The following WIPI2 variants were observed in gnomAD, a reference collection of about 807,000 sequenced individuals.
WIPI2 encodes WD repeat domain, phosphoinositide interacting 2.
WIPI2 carries 28 observed loss-of-function variants against 52.3 expected under a neutral mutation model. That is an observed-to-expected ratio of 0.54 (90% CI 0.40 to 0.73). The LOEUF (loss-of-function observed/expected upper bound fraction) is 0.73. Among genes scored for constraint, WIPI2 ranks in the 30% least tolerant of loss-of-function variants. The pLI, the probability that WIPI2 is intolerant of heterozygous loss-of-function variation, is 0.00. For missense variants in WIPI2, 506 were observed against 602.9 expected (o/e 0.84, Z 1.68); for synonymous variants, 268 against 245.0 (o/e 1.09, Z -0.88).
chr7:5,229,260 C>A, intron 11 of WIPI2: 1 of 187,092 alleles, frequency 5.3e-6, no homozygotes, highest in South Asian at 9.9e-5. Flanking sequence ...CGTGATCCGC[C>A]CGCCTCAGCC....
intron 3 of WIPI2, among the ~76,000 whole-genome samples, chr7:5,202,394 T>C (rs1419029037): frequency 3.3e-5 from 5 of 152,008 alleles, no homozygotes; most frequent in Admixed American, 2.6e-4. Flanking sequence ...CATATATGTA[T>C]ATATATGGGG....
intron 5 of WIPI2, 85 bp downstream of exon 5, chr7:5,216,744 T>C: frequency 1.5e-6 from 2 of 1,340,626 alleles, no homozygotes; most frequent in Non-Finnish European, 1.0e-6. Context: ...TTTTTCTTTT[T>C]ATAGGTTCCG....
intron 2 of WIPI2, among the ~76,000 whole-genome samples, chr7:5,197,118 C>CAAAAAAAAAA (rs869261081): frequency 4.8e-5 from 2 of 41,436 alleles, no homozygotes; most frequent in African/African-American, 7.6e-5. Flanking sequence ...TCTCAAAAAA[C>CAAAAAAAAAA]AAAAAAAAAA....
At chr7:5,209,031 T>C (rs2115253356) in intron 3 of WIPI2, among the ~76,000 whole-genome samples, 1 of 151,134 alleles carries the variant, frequency 6.6e-6, no homozygotes, top group East Asian at 1.9e-4. Context: ...TTTTTTTTTT[T>C]TTTGGTATGG....
Position 5,214,516 on chromosome 7 carries a change from CT to C in WIPI2, c.212-17del. The C allele has an allele frequency of 6.2e-7, 1 of 1,614,250 alleles. No homozygotes were observed. Among genetic ancestry groups the C allele is most frequent in the Non-Finnish European group, 8.5e-7 (1 of 1,180,056 alleles). On this transcript the variant is annotated intron_variant, in intron 3 of 12. Transcript: ENST00000288828. ...CCATGTGGAGATGTTCACGCATGTA[CT>C]TCCCTTTGTGATTTCAGCCGATACG...
At chr7:5,202,937 G>T (rs1238747380) in intron 3 of WIPI2, among the ~76,000 whole-genome samples, 1 of 152,140 alleles carries the variant, frequency 6.6e-6, no homozygotes, top group African/African-American at 2.4e-5. Flanking sequence ...TTCAAAAGCT[G>T]CACTGTGTGT....
intron 7 of WIPI2, among the ~76,000 whole-genome samples, chr7:5,221,902 G>A (rs567066465): frequency 1.3e-5 from 2 of 151,964 alleles, no homozygotes; most frequent in Middle Eastern, 6.8e-3. Context: ...CCGAAGCCTC[G>A]TCAGACCACA....
chr7:5,223,741 C>T (rs1204646366), intron 8 of WIPI2, among the ~76,000 whole-genome samples: 1 of 152,172 alleles, frequency 6.6e-6, no homozygotes, highest in Non-Finnish European at 1.5e-5. Flanking sequence ...GCCACCAGGC[C>T]AGTTTGCCCC....
At chr7:5,201,190 C>T (rs772230459) in intron 3 of WIPI2, among the ~76,000 whole-genome samples, 1 of 152,198 alleles carries the variant, frequency 6.6e-6, no homozygotes, top group African/African-American at 2.4e-5. Flanking sequence ...CAGGCTTTTA[C>T]GAATGACTGA....
intron 3 of WIPI2, among the ~76,000 whole-genome samples, chr7:5,203,624 C>CATTT (rs1562389195): frequency 1.5e-5 from 2 of 130,910 alleles, no homozygotes; most frequent in African/African-American, 6.0e-5. Context: ...TTACGTTCAG[C>CATTT]CTTTTTTTTT....
At chr7:5,205,590 C>T (rs988024682) in intron 3 of WIPI2, among the ~76,000 whole-genome samples, 2 of 152,178 alleles carry the variant, frequency 1.3e-5, no homozygotes, top group African/African-American at 4.8e-5. Flanking sequence ...GTGCAACCTC[C>T]ACCTCCCGAG....
chr7:5,195,479 C>G (rs1351137460), intron 2 of WIPI2, among the ~76,000 whole-genome samples: 3 of 152,154 alleles, frequency 2.0e-5, no homozygotes, highest in African/African-American at 2.4e-5. Context: ...GAGTGAGACC[C>G]TGTCTCAAAA....
At chr7:5,205,507 A>G (rs1450368484) in intron 3 of WIPI2, among the ~76,000 whole-genome samples, 1 of 152,146 alleles carries the variant, frequency 6.6e-6, no homozygotes, top group Non-Finnish European at 1.5e-5. Context: ...TGGTCTTTGC[A>G]GTTGGCCGTC....
At chr7:5,190,755 G>T (rs1781439807) in intron 1 of WIPI2, 2 of 344,366 alleles carry the variant, frequency 5.8e-6, no homozygotes, top group Non-Finnish European at 1.0e-5. Flanking sequence ...CTTGCGGGGA[G>T]GCCCCCTGGC....
At chr7:5,211,729 A>G (rs1401079712) in intron 3 of WIPI2, among the ~76,000 whole-genome samples, 6 of 152,182 alleles carry the variant, frequency 3.9e-5, no homozygotes, top group South Asian at 2.1e-4. Context: ...AGGTTTTCCT[A>G]TGTGTCCCAA....
At chr7:5,216,733 T>G in intron 5 of WIPI2, 74 bp downstream of exon 5, 1 of 1,397,004 alleles carries the variant, frequency 7.2e-7, no homozygotes, top group Non-Finnish European at 1.0e-6. Context: ...GTGAGAGAGA[T>G]TTTTTCTTTT....
In WIPI2 at chr7:5,233,221, C is replaced by T. The variant is rs1449500430; in HGVS notation, c.*2274C>T. ...GCCATTGTGGAGGGTTACCCGCCTC[C>T]ACTTTCCCGTTGCCCATTTCACTGC... On this transcript the variant is annotated 3_prime_UTR_variant, in exon 13 of 13. Transcript: ENST00000288828. The T allele has an allele frequency of 6.6e-6, 1 of 152,298 alleles. No homozygotes were observed. The highest frequency in any genetic ancestry group is 1.5e-5 in the Non-Finnish European group (1 of 68,118). The allele number at this position is 152,298 out of a possible 1,614,324, so 9.4% of individuals were successfully genotyped here.
intron 3 of WIPI2, among the ~76,000 whole-genome samples, chr7:5,203,808 A>G (rs1782155176): frequency 6.6e-6 from 1 of 151,698 alleles, no homozygotes; most frequent in Non-Finnish European, 1.5e-5. Flanking sequence ...TATTTTTAGT[A>G]GAGACAGGGT....
At chr7:5,218,118 G>T (rs1393961840) in intron 7 of WIPI2, 104 bp downstream of exon 7, 2 of 1,240,930 alleles carry the variant, frequency 1.6e-6, no homozygotes, top group South Asian at 1.2e-5. Flanking sequence ...ATACTTACCA[G>T]CTCCGGGAGA....
Sources: allele counts gnomAD v4.1 joint callset (sites outside exome capture counted in the v4.1 genomes callset), GRCh38; gene constraint gnomAD v4.1.1; transcripts MANE v1.5; gene names NCBI Gene and HGNC (gene_info 2026-07-23, HGNC 2026-07-21).